Variants in NTRK2 observed in about 807,000 individuals in gnomAD.
NTRK2 encodes the protein BDNF/NT-3 growth factors receptor.
NTRK2 carries 13 observed loss-of-function variants against 94.5 expected under a neutral mutation model. The ratio of observed to expected loss-of-function variants is 0.14; its 90% confidence interval spans 0.09 to 0.22. The LOEUF is 0.22. NTRK2 is among the 10% of genes least tolerant of loss of function. The pLI is 1.00. For missense variants in NTRK2, 639 were observed against 1,071.2 expected (o/e 0.60, Z 5.63); for synonymous variants, 372 against 407.4 (o/e 0.91, Z 1.05).
chr9:84,903,263 T>C (rs776228810), intron 14 of NTRK2, among the ~76,000 whole-genome samples: 1 of 152,198 alleles, frequency 6.6e-6, no homozygotes, highest in Admixed American at 6.5e-5. Context: ...GATACAGTTG[T>C]GGTCAAGGAA....
At chr9:84,887,405 A>G (rs1036890843) in intron 14 of NTRK2, among the ~76,000 whole-genome samples, 1 of 152,130 alleles carries the variant, frequency 6.6e-6, no homozygotes, top group African/African-American at 2.4e-5. Flanking sequence ...CTAGCCTAAG[A>G]CCTTAAGACC....
At chr9:84,832,125 G>A (rs771848412) in intron 12 of NTRK2, among the ~76,000 whole-genome samples, 12 of 152,094 alleles carry the variant, frequency 7.9e-5, no homozygotes, top group Non-Finnish European at 1.5e-4. Context: ...TAATATTCTT[G>A]TATTCTCTTG....
At chr9:84,838,822 TTAAAA>T (rs959972365) in intron 12 of NTRK2, among the ~76,000 whole-genome samples, 75 of 152,302 alleles carry the variant, frequency 4.9e-4, no homozygotes, top group African/African-American at 1.6e-3. Context: ...ATTCTGGACT[TTAAAA>T]TATAAAATAA....
chr9:84,694,667 AT>A (rs974595105), intron 2 of NTRK2, among the ~76,000 whole-genome samples: 1 of 152,154 alleles, frequency 6.6e-6, no homozygotes, highest in East Asian at 1.9e-4. Flanking sequence ...GAAAAGGATT[AT>A]TCTACTCCCT....
chr9:84,819,057 CTG>C (rs2072614922), intron 12 of NTRK2, among the ~76,000 whole-genome samples: 1 of 152,240 alleles, frequency 6.6e-6, no homozygotes, highest in South Asian at 2.1e-4. Context: ...ACCCTGGAGC[CTG>C]TGTTTACTGA....
At chr9:84,714,838 T>G (rs1167958571) in intron 6 of NTRK2, among the ~76,000 whole-genome samples, 1 of 152,226 alleles carries the variant, frequency 6.6e-6, no homozygotes, top group Non-Finnish European at 1.5e-5. Flanking sequence ...GGGGTAAAAC[T>G]TTTTAGCTAA....
chr9:85,015,557 A>G (rs972503002), intron 17 of NTRK2, among the ~76,000 whole-genome samples: 3 of 152,336 alleles, frequency 2.0e-5, no homozygotes, highest in African/African-American at 2.4e-5. Flanking sequence ...AAGACATGGT[A>G]TGCTTACCAA....
At chr9:84,717,754 T>C (rs1358561631) in intron 6 of NTRK2, among the ~76,000 whole-genome samples, 1 of 152,230 alleles carries the variant, frequency 6.6e-6, no homozygotes, top group East Asian at 1.9e-4. Flanking sequence ...AATAGTTAGA[T>C]TTAAATGTAT....
rs1200397740 is a variant in NTRK2 at position 85,005,867 on chromosome 9, C to T, written c.2173-14339C>T. On this transcript the variant is annotated intron_variant, in intron 17 of 18. Coordinates refer to ENST00000277120, the MANE Select transcript of NTRK2 (RefSeq NM_006180.6). ...GAACCACCCCTCTGTTCTTTCCAGT[C>T]CCTTACTCTATTATTTTGGCACAGT... is the stretch of plus-strand genomic sequence containing the variant. 1.3e-5 allele frequency among the ~76,000 whole-genome samples: 2 copies of T among 152,182 alleles called. 1 individual carries two copies. The highest frequency in any genetic ancestry group is 4.1e-4 in the South Asian group (2 of 4,822).
chr9:84,787,759 A>C (rs764053448), intron 12 of NTRK2, among the ~76,000 whole-genome samples: 3 of 152,206 alleles, frequency 2.0e-5, no homozygotes, highest in Non-Finnish European at 4.4e-5. Context: ...CTCCTACTGT[A>C]TAGAGTTGTT....
chr9:84,798,396 G>A (rs990986351), intron 12 of NTRK2, among the ~76,000 whole-genome samples: 7 of 152,202 alleles, frequency 4.6e-5, no homozygotes, highest in East Asian at 1.9e-4. Flanking sequence ...AAAACAATGG[G>A]TTCTGTTTCT....
intron 17 of NTRK2, among the ~76,000 whole-genome samples, chr9:85,007,795 A>G (rs1257853605): frequency 6.6e-6 from 1 of 152,310 alleles, no homozygotes; most frequent in Non-Finnish European, 1.5e-5. Flanking sequence ...TTATCCCTAC[A>G]TTGGCTAAGC....
At position 84,955,378 on chromosome 9, in the gene NTRK2, C is replaced by T. The variant is rs202111708; in HGVS notation, c.2033C>T (p.Ala678Val). 2.5e-6 allele frequency: 4 copies of T among 1,613,948 alleles called. No homozygotes were observed. Among genetic ancestry groups the T allele is most frequent in the East Asian group, 2.2e-5 (1 of 44,888 alleles). ...QMLHIAQQIA[A>V]GMVYLASQHF... ...CTGCATATAGCCCAGCAGATCGCCG[C>T]GGGCATGGTCTACCTGGCGTCCCAG... The change falls in exon 17 of 19, where the codon GCG becomes GTG. Residue 678 changes from alanine (A) to valine (V), a missense_variant. By Grantham distance (64) the Ala-to-Val change is moderately conservative. Around this residue, in one of 5 missense-constraint regions of NTRK2, gnomAD observed 343 missense variants for 571.5 expected, o/e 0.60. Transcript: ENST00000277120.
At chr9:84,721,663 T>C (rs918193256) in intron 6 of NTRK2, among the ~76,000 whole-genome samples, 1 of 151,908 alleles carries the variant, frequency 6.6e-6, no homozygotes, top group African/African-American at 2.4e-5. Context: ...AACCAACAAG[T>C]AGCAATAAAG....
In NTRK2 at chr9:84,670,447, C is replaced by A; in HGVS notation, c.-302C>A. On this transcript the variant is annotated 5_prime_UTR_variant, in exon 2 of 19. Transcript: ENST00000277120. ...TGCGCCCCAGAGAGTCCCGGGAGCG[C>A]CGCCGGTCGGTGCCCGGCGCGCCGG... is the stretch of plus-strand genomic sequence containing the variant. The A allele has an allele frequency of 2.1e-6, 1 of 477,874 alleles. No individual in the cohort carries two copies. Among genetic ancestry groups the A allele is most frequent in the Middle Eastern group, 5.7e-4 (1 of 1,740 alleles). 29.6% of individuals were successfully genotyped at this position (477,874 alleles called of 1,614,324 possible).
chr9:84,928,412 T>C (rs1445190565), intron 14 of NTRK2, among the ~76,000 whole-genome samples: 1 of 152,262 alleles, frequency 6.6e-6, no homozygotes, highest in Non-Finnish European at 1.5e-5. Context: ...TGAAATTGTT[T>C]ATTAGGAGAT....
At chr9:84,979,210 T>A (rs1479398699) in intron 17 of NTRK2, among the ~76,000 whole-genome samples, 1 of 152,210 alleles carries the variant, frequency 6.6e-6, no homozygotes, top group Non-Finnish European at 1.5e-5. Context: ...CTGGGCAAAG[T>A]CAATGGAGAA....
At chr9:84,726,971 G>T (rs1005259974) in intron 8 of NTRK2, among the ~76,000 whole-genome samples, 1 of 152,168 alleles carries the variant, frequency 6.6e-6, no homozygotes, top group Non-Finnish European at 1.5e-5. Flanking sequence ...TCCAGGCTTA[G>T]ATTGGACCCC....
chr9:85,012,207 T>C (rs1176513623), intron 17 of NTRK2, among the ~76,000 whole-genome samples: 3 of 152,008 alleles, frequency 2.0e-5, no homozygotes, highest in African/African-American at 7.3e-5. Flanking sequence ...CAGGATGGTC[T>C]CGATCTCTTG....
Sources: allele counts gnomAD v4.1 joint callset (sites outside exome capture counted in the v4.1 genomes callset), GRCh38; gene constraint gnomAD v4.1.1; regional missense constraint gnomAD v4.1.1; transcripts MANE v1.5; gene names NCBI Gene and HGNC (gene_info 2026-07-23, HGNC 2026-07-21).